LYPLA1: variants seen among roughly 807,000 people sequenced by gnomAD.
LYPLA1 encodes acyl-protein thioesterase 1.
In LYPLA1, 17 loss-of-function variants were observed where a neutral mutation model predicts 34.0. That is an observed-to-expected ratio of 0.50 (90% confidence interval 0.34 to 0.75). The LOEUF (loss-of-function observed/expected upper bound fraction) is 0.75. Ranked by LOEUF, LYPLA1 falls within the 30% of genes least tolerant of loss-of-function variation. The pLI, the probability that LYPLA1 is intolerant of heterozygous loss-of-function variation, is 0.01. For missense variants in LYPLA1, 203 were observed against 288.8 expected, an observed-to-expected ratio of 0.70 and a Z score of 2.15; for synonymous variants, 98 against 100.8, an observed-to-expected ratio of 0.97 and a Z score of 0.17.
At chr8:54,100,775 C>G in intron 2 of LYPLA1, 133 bp downstream of exon 2, 1 of 710,208 alleles carries the variant, frequency 1.4e-6, no homozygotes, top group Non-Finnish European at 2.5e-6. Flanking sequence ...AAAATCACCG[C>G]ACTGTAAGAT....
At chr8:54,094,705 G>A (rs1357358343) in intron 2 of LYPLA1, among the ~76,000 whole-genome samples, 7 of 152,168 alleles carry the variant, frequency 4.6e-5, no homozygotes, top group Non-Finnish European at 7.3e-5. Flanking sequence ...AAAAATGGCT[G>A]AGTCCAGGAC....
chr8:54,059,855 A>C (rs1409932616), intron 5 of LYPLA1, among the ~76,000 whole-genome samples: 3 of 152,166 alleles, frequency 2.0e-5, no homozygotes, highest in Non-Finnish European at 2.9e-5. Flanking sequence ...CAGGAATTTG[A>C]GGCTGCAGTG....
chr8:54,081,680 G>A (rs1449166586), intron 2 of LYPLA1, among the ~76,000 whole-genome samples: 1 of 151,736 alleles, frequency 6.6e-6, no homozygotes, highest in African/African-American at 2.4e-5. Context: ...CTCCCAAAGT[G>A]CTGGGATTAC....
chr8:54,084,137 A>ATATATATATATACAT (rs1563642470), intron 2 of LYPLA1, among the ~76,000 whole-genome samples: 5 of 120,176 alleles, frequency 4.2e-5, no homozygotes, highest in African/African-American at 1.9e-4. Context: ...AAAAAAAATA[A>ATATATATATATACAT]ATAAATATAT....
chr8:54,052,805 A>G (rs1478514751), intron 6 of LYPLA1, 49 bp from the exon 7 acceptor site: 1 of 1,162,344 alleles, frequency 8.6e-7, no homozygotes, highest in Non-Finnish European at 1.3e-6. Flanking sequence ...GCTTGCCCAC[A>G]GCAATTTAGG....
At chr8:54,076,036 G>A (rs533674870) in intron 2 of LYPLA1, among the ~76,000 whole-genome samples, 3 of 152,108 alleles carry the variant, frequency 2.0e-5, no homozygotes, top group African/African-American at 7.2e-5. Context: ...GAAATGATAA[G>A]AAGTATGGCA....
At chr8:54,091,743 G>A (rs1809298079) in intron 2 of LYPLA1, among the ~76,000 whole-genome samples, 1 of 152,100 alleles carries the variant, frequency 6.6e-6, no homozygotes, top group Admixed American at 6.5e-5. Context: ...GTGGTTCTCA[G>A]AAGTGTGATC....
chr8:54,053,967 G>C (rs1208069328), intron 6 of LYPLA1, among the ~76,000 whole-genome samples: 1 of 152,060 alleles, frequency 6.6e-6, no homozygotes, highest in Admixed American at 6.6e-5. Context: ...ACATGAACTT[G>C]TTATTCTGGA....
intron 5 of LYPLA1, among the ~76,000 whole-genome samples, chr8:54,061,969 C>T (rs1236802348): frequency 2.0e-5 from 3 of 152,052 alleles, no homozygotes; most frequent in African/African-American, 4.8e-5. Flanking sequence ...AACTATCCTG[C>T]TTCATCCTCT....
At chr8:54,100,875 A>G (rs991729563) in intron 2 of LYPLA1, 33 bp downstream of exon 2, 12 of 1,577,800 alleles carry the variant, frequency 7.6e-6, no homozygotes, top group South Asian at 1.1e-5. Flanking sequence ...ACCCAGTTTC[A>G]TTACTGTTAC....
chr8:54,053,619 C>G (rs749695316), intron 6 of LYPLA1: 1 of 456,196 alleles, frequency 2.2e-6, no homozygotes, highest in South Asian at 1.5e-5. Flanking sequence ...TCTCCTGGCA[C>G]TGTGGAAATG....
At chr8:54,094,075 C>G (rs576832604) in intron 2 of LYPLA1, among the ~76,000 whole-genome samples, 2 of 152,198 alleles carry the variant, frequency 1.3e-5, no homozygotes, top group Non-Finnish European at 2.9e-5. Context: ...TATTTTAAAT[C>G]CTCACCTTGT....
intron 2 of LYPLA1, among the ~76,000 whole-genome samples, chr8:54,087,221 A>G (rs1053038864): frequency 2.0e-5 from 3 of 152,268 alleles, no homozygotes; most frequent in African/African-American, 7.2e-5. Flanking sequence ...TCAAAAAGGT[A>G]TATTTCTATA....
chr8:54,101,277 A>C, intron 1 of LYPLA1: 6 of 992,386 alleles, frequency 6.0e-6, no homozygotes, highest in Non-Finnish European at 7.4e-6. Context: ...TTCCACTGCA[A>C]AAGCAAGCTT....
At chr8:54,045,556 C>A (rs562850192), downstream of LYPLA1, 1 of 152,250 alleles carries the variant, frequency 6.6e-6, no homozygotes, top group East Asian at 1.9e-4. Context: ...AATTTTCTTA[C>A]CACGAGAACT....
rs1806640778 is a variant in LYPLA1 at position 54,061,616 on chromosome 8, G to C, written c.286+638C>G. Among the ~76,000 whole-genome samples, 3 of 152,072 alleles carry C rather than the reference G, an allele frequency of 2.0e-5. No individual in the cohort carries two copies. In the South Asian group the frequency reaches 6.2e-4, roughly 32 times the overall value. On this transcript the variant is annotated intron_variant, in intron 5 of 8. Coordinates refer to ENST00000316963, the MANE Select transcript of LYPLA1 (RefSeq NM_006330.4). The stretch of plus-strand genomic sequence containing the variant: ...CAGGGAGACCCTGTGTCTACAAAAA[G>C]AAAAAATTAAAACCTGGCGGGGCAT...
chr8:54,050,561 G>A (rs945527832), intron 8 of LYPLA1, among the ~76,000 whole-genome samples: 1 of 152,080 alleles, frequency 6.6e-6, no homozygotes, highest in Non-Finnish European at 1.5e-5. Context: ...CTGCACATTT[G>A]CTATCCAAAT....
At chr8:54,092,866 C>T (rs1456958050) in intron 2 of LYPLA1, among the ~76,000 whole-genome samples, 3 of 152,106 alleles carry the variant, frequency 2.0e-5, no homozygotes, top group Admixed American at 6.5e-5. Context: ...TGTGGTGGCA[C>T]GCACACATAT....
intron 2 of LYPLA1, among the ~76,000 whole-genome samples, chr8:54,097,917 G>A (rs370699066): frequency 3.3e-5 from 5 of 152,270 alleles, no homozygotes; most frequent in African/African-American, 1.2e-4. Flanking sequence ...GCAATGTAAG[G>A]CTTATTTGGA....
Sources: gnomAD v4.1 joint callset for allele counts (sites outside exome capture counted in the v4.1 genomes callset) on GRCh38, gnomAD v4.1.1 for gene constraint, MANE v1.5 for transcripts, NCBI Gene and HGNC (gene_info 2026-07-23, HGNC 2026-07-21) for gene names.